Variants in PRKACB observed in about 807,000 individuals in gnomAD.
The protein encoded by PRKACB is protein kinase cAMP-activated catalytic subunit beta.
In PRKACB, 16 loss-of-function variants were observed where a neutral mutation model predicts 51.4. The observed-to-expected ratio is 0.31, with a 90% confidence interval of 0.21 to 0.47. The LOEUF (loss-of-function observed/expected upper bound fraction) is 0.47. Ranked by LOEUF, PRKACB falls within the 20% of genes least tolerant of loss-of-function variation. The pLI is 1.00. For synonymous variants in PRKACB, 147 were observed against 154.4 expected (o/e 0.95, Z 0.35); for missense variants, 309 against 464.5 (o/e 0.67, Z 3.08).
chr1:84,142,710 ATTTAAG>A (rs1048885445), upstream of PRKACB, among the ~76,000 whole-genome samples: 5 of 152,322 alleles, frequency 3.3e-5, no homozygotes, highest in African/African-American at 1.2e-4. Context: ...AAAGCTATAA[ATTTAAG>A]TTTATCTTAT....
intron 1 of PRKACB, chr1:84,078,436 G>T: frequency 1.3e-6 from 2 of 1,573,870 alleles, no homozygotes; most frequent in Non-Finnish European, 1.7e-6. Context: ...AGCGCCCTCC[G>T]GGTCGCAGCT....
At chr1:84,201,761 T>G (rs1211495643) in intron 7 of PRKACB, among the ~76,000 whole-genome samples, 1 of 152,086 alleles carries the variant, frequency 6.6e-6, no homozygotes, top group Non-Finnish European at 1.5e-5. Context: ...AGAATTCAGC[T>G]TATTTCTCTT....
At chr1:84,180,508 A>G (rs1003530352) in intron 2 of PRKACB, among the ~76,000 whole-genome samples, 1 of 151,736 alleles carries the variant, frequency 6.6e-6, no homozygotes, top group Non-Finnish European at 1.5e-5. Context: ...AATTTCACAA[A>G]TCATCATTAA....
At chr1:84,141,707 T>C (rs549392512), upstream of PRKACB, among the ~76,000 whole-genome samples, 3 of 152,244 alleles carry the variant, frequency 2.0e-5, no homozygotes, top group Admixed American at 6.5e-5. Flanking sequence ...TTGAGCAACA[T>C]TGAATATAAA....
intron 8 of PRKACB, among the ~76,000 whole-genome samples, chr1:84,212,834 T>C (rs1440652581): frequency 2.0e-5 from 3 of 152,178 alleles, no homozygotes; most frequent in Non-Finnish European, 4.4e-5. Context: ...TGAACTACAG[T>C]ATTTGAAATA....
At chr1:84,196,411 C>G (rs1338706506) in intron 5 of PRKACB, among the ~76,000 whole-genome samples, 6 of 151,928 alleles carry the variant, frequency 3.9e-5, no homozygotes, top group Admixed American at 3.9e-4. Context: ...ATATGCTTCC[C>G]CATAAATTTA....
chr1:84,111,456 A>G (rs1310653974), intron 1 of PRKACB, among the ~76,000 whole-genome samples: 1 of 152,170 alleles, frequency 6.6e-6, no homozygotes, highest in Non-Finnish European at 1.5e-5. Flanking sequence ...TGCTTAAGAT[A>G]ATCTATAGTA....
At chr1:84,183,366 G>A (rs1664137173) in intron 3 of PRKACB, among the ~76,000 whole-genome samples, 1 of 151,730 alleles carries the variant, frequency 6.6e-6, no homozygotes, top group South Asian at 2.1e-4. Flanking sequence ...AAATGACCTA[G>A]GATACAAAGA....
chr1:84,147,324 A>G (rs1352305764), intron 1 of PRKACB, among the ~76,000 whole-genome samples: 2 of 151,934 alleles, frequency 1.3e-5, no homozygotes, highest in Non-Finnish European at 2.9e-5. Context: ...AGTCAGTTTT[A>G]CCTTTGCAAA....
At chr1:84,131,337 TC>T (rs936306915) in intron 1 of PRKACB, among the ~76,000 whole-genome samples, 1 of 69,154 alleles carries the variant, frequency 1.4e-5, no homozygotes, top group African/African-American at 5.6e-5. Flanking sequence ...AGAGCAAAAC[TC>T]CATCTCAAAA....
intron 1 of PRKACB, among the ~76,000 whole-genome samples, chr1:84,119,395 C>A (rs1231412207): frequency 1.3e-5 from 2 of 152,022 alleles, no homozygotes; most frequent in Non-Finnish European, 2.9e-5. Flanking sequence ...TTGAATGAAC[C>A]AATTTACAAT....
intron 1 of PRKACB, chr1:84,078,457 C>T: frequency 6.6e-7 from 1 of 1,506,646 alleles, no homozygotes; most frequent in Non-Finnish European, 9.0e-7. Flanking sequence ...TCTGAGGCCG[C>T]GGGCACGGGC....
chr1:84,092,026 T>A (rs543571085), intron 1 of PRKACB, among the ~76,000 whole-genome samples: 15 of 152,238 alleles, frequency 9.9e-5, no homozygotes, highest in Admixed American at 1.3e-4. Context: ...GTAATCTACT[T>A]TATAATATTC....
chr1:84,080,486 G>T (rs1647439955), intron 1 of PRKACB, among the ~76,000 whole-genome samples: 1 of 152,118 alleles, frequency 6.6e-6, no homozygotes, highest in Non-Finnish European at 1.5e-5. Flanking sequence ...AGTTTAAAAA[G>T]CTGTTGTGAA....
intron 8 of PRKACB, among the ~76,000 whole-genome samples, chr1:84,213,192 C>A (rs954965147): frequency 1.3e-5 from 2 of 151,876 alleles, no homozygotes; most frequent in Admixed American, 1.3e-4. Flanking sequence ...GTATGTATGA[C>A]AGGGAAGAGG....
At position 84,223,408 on chromosome 1, in the gene PRKACB, G is replaced by A. The variant is rs145163422; in HGVS notation, c.1071+9091G>A. 3.6e-3 allele frequency among the ~76,000 whole-genome samples: 485 copies of A among 135,044 alleles called. 2 individuals carry two copies. The highest frequency in any genetic ancestry group is 0.012 in the African/African-American group (454 of 36,858). The allele number at this position is 135,044 out of a possible 152,430, so 88.6% of individuals were successfully genotyped here. A position where few individuals can be genotyped will look rare whatever the true frequency, so the allele number is the denominator to read the frequency against. ...TTTTGAAATGGTGTCTCGCTCTGTC[G>A]CCCAGGCAAGAGTGCAGTGGCGTGA... On this transcript the variant is annotated intron_variant, in intron 9 of 9. Transcript: ENST00000370685.
chr1:84,102,441 C>T (rs1649423849), intron 1 of PRKACB, among the ~76,000 whole-genome samples: 1 of 151,892 alleles, frequency 6.6e-6, no homozygotes, highest in Non-Finnish European at 1.5e-5. Flanking sequence ...GTGTGTGGCT[C>T]ACGTTACTCT....
chr1:84,171,060 TA>T (rs1285719496), intron 1 of PRKACB, among the ~76,000 whole-genome samples: 2 of 151,666 alleles, frequency 1.3e-5, no homozygotes, highest in East Asian at 1.9e-4. Flanking sequence ...TAAAAAGCTT[TA>T]AAAAAATCAC....
At chr1:84,193,306 C>T (rs1376908140) in intron 5 of PRKACB, among the ~76,000 whole-genome samples, 1 of 152,120 alleles carries the variant, frequency 6.6e-6, no homozygotes. Flanking sequence ...GTACTTCATG[C>T]TGTAGTTCCC....
Sources: allele counts gnomAD v4.1 joint callset (sites outside exome capture counted in the v4.1 genomes callset), GRCh38; gene constraint gnomAD v4.1.1; transcripts MANE v1.5; gene names NCBI Gene and HGNC (gene_info 2026-07-23, HGNC 2026-07-21).